The following VSIG1 variants were observed in gnomAD, a reference collection of about 807,000 sequenced individuals.
The protein encoded by VSIG1 is V-set and immunoglobulin domain containing 1.
A neutral mutation model predicts 20.1 loss-of-function variants in VSIG1; 11 were observed. The ratio of observed to expected loss-of-function variants is 0.55; its 90% CI spans 0.34 to 0.91. VSIG1 has a LOEUF of 0.91. VSIG1 is among the 40% of genes least tolerant of loss of function. VSIG1 has a pLI of 0.02. For missense variants in VSIG1, 283 were observed against 298.8 expected (o/e 0.95, Z 0.39); for synonymous variants, 126 against 116.7 (o/e 1.08, Z -0.52).
chrX:108,024,649 C>T, the VSIG1 span, among the ~76,000 whole-genome samples: 2 of 110,238 alleles, frequency 1.8e-5, no homozygotes, highest in Non-Finnish European at 3.8e-5. Flanking sequence ...GTTATGTTTT[C>T]ATCTTCATCA....
At chrX:108,035,662 G>A in the VSIG1 span, among the ~76,000 whole-genome samples, 2 of 111,065 alleles carry the variant, frequency 1.8e-5, no homozygotes, top group Non-Finnish European at 3.8e-5. Context: ...TCTCTTTCCT[G>A]TACTTGTATT....
intron 6 of VSIG1, 48 bp downstream of exon 6, chrX:108,076,266 G>T (rs1343394849): frequency 2.6e-6 from 3 of 1,173,582 alleles, no homozygotes; most frequent in African/African-American, 1.8e-5. Flanking sequence ...CATTTCTCAG[G>T]CATGTCTTTT....
chrX:108,032,771 C>A, the VSIG1 span, among the ~76,000 whole-genome samples: 1 of 111,475 alleles, frequency 9.0e-6, no homozygotes, highest in Admixed American at 9.5e-5. Context: ...GAAGGCTGAG[C>A]AAAGAGTGGT....
intron 1 of VSIG1, among the ~76,000 whole-genome samples, chrX:108,053,508 A>G (rs2030828519): frequency 8.9e-6 from 1 of 111,926 alleles, no homozygotes; most frequent in Admixed American, 9.5e-5. Context: ...TGAATAAGTC[A>G]AGATGGAATC....
At chrX:108,044,981 G>C (rs1418839450), upstream of VSIG1, 1 of 350,924 alleles carries the variant, frequency 2.8e-6, no homozygotes. Flanking sequence ...AAGTCTATAC[G>C]CAATAAGTAA....
the VSIG1 span, among the ~76,000 whole-genome samples, chrX:108,031,124 A>G: frequency 9.0e-6 from 1 of 111,215 alleles, no homozygotes; most frequent in Non-Finnish European, 1.9e-5. Context: ...TCCGCATCCC[A>G]GTTTTGTTGC....
At chrX:108,047,841 T>C (rs1277588417) in intron 1 of VSIG1, among the ~76,000 whole-genome samples, 1 of 46,582 alleles carries the variant, frequency 2.1e-5, no homozygotes, top group Non-Finnish European at 3.9e-5. Flanking sequence ...CACATATATA[T>C]ATACATATAT....
intron 1 of VSIG1, among the ~76,000 whole-genome samples, chrX:108,051,720 T>C (rs983717225): frequency 9.1e-6 from 1 of 110,121 alleles, no homozygotes; most frequent in African/African-American, 3.3e-5. Context: ...ATCATAAAAA[T>C]GCCTCAACAA....
chrX:108,072,739 C>T lies in VSIG1; in HGVS notation c.475C>T (p.Leu159Phe), dbSNP rs760008711. The T allele has an allele frequency of 6.6e-6, 8 of 1,208,822 alleles. No homozygotes were observed. In the African/African-American group the frequency reaches 7.0e-5, roughly 11 times the overall value. The change falls in exon 4 of 7, where the codon CTT (leucine) becomes TTT (phenylalanine). Residue 159 changes from leucine to phenylalanine, a missense_variant. By Grantham distance (22) the Leu-to-Phe change is conservative (BLOSUM62 0). Transcript: ENST00000217957. ...GRPETGHTIS[L>F]SCLSALGTPS... The stretch of plus-strand genomic sequence containing the variant: ...ACCAGAAACTGGCCACACTATTTCC[C>T]TTTCCTGTCTCTCTGCGCTTGGAAC...
At chrX:108,024,708 C>G in the VSIG1 span, among the ~76,000 whole-genome samples, 1 of 110,644 alleles carries the variant, frequency 9.0e-6, no homozygotes, top group South Asian at 3.8e-4. Context: ...TCTTCTTTGA[C>G]TCAAGTAGCT....
chrX:108,063,839 C>T (rs2031077142), intron 2 of VSIG1, among the ~76,000 whole-genome samples: 1 of 111,420 alleles, frequency 9.0e-6, no homozygotes, highest in Non-Finnish European at 1.9e-5. Context: ...TAACAAGCGC[C>T]CCTTAAGGGA....
intron 2 of VSIG1, among the ~76,000 whole-genome samples, chrX:108,059,011 C>T (rs1034345588): frequency 9.0e-6 from 1 of 111,645 alleles, no homozygotes; most frequent in African/African-American, 3.3e-5. Context: ...TATGTGAGCA[C>T]ATATGCCATG....
At chrX:108,072,617 C>T in intron 3 of VSIG1, 60 bp from the exon 4 acceptor site, 2 of 1,034,929 alleles carry the variant, frequency 1.9e-6, no homozygotes, top group East Asian at 6.1e-5. Flanking sequence ...GAAGTGACTG[C>T]AATTGTCACA....
chrX:108,037,771 C>T, the VSIG1 span, among the ~76,000 whole-genome samples: 14 of 112,473 alleles, frequency 1.2e-4, no homozygotes, highest in Non-Finnish European at 2.4e-4. Flanking sequence ...TCTATGCCCT[C>T]GGGATAAATA....
chrX:108,053,269 TA>T (rs1292685098), intron 1 of VSIG1, among the ~76,000 whole-genome samples: 2 of 112,301 alleles, frequency 1.8e-5, no homozygotes, highest in African/African-American at 6.5e-5. Flanking sequence ...ATGAGTTCTA[TA>T]AATCATATTT....
At chrX:108,040,885 C>T (rs2030469318), upstream of VSIG1, among the ~76,000 whole-genome samples, 1 of 110,230 alleles carries the variant, frequency 9.1e-6, no homozygotes, top group South Asian at 4.0e-4. Flanking sequence ...TGTGTTTGTG[C>T]ATGTGTACAT....
intron 2 of VSIG1, among the ~76,000 whole-genome samples, chrX:108,058,902 G>T (rs947742642): frequency 9.0e-6 from 1 of 111,099 alleles, no homozygotes; most frequent in Non-Finnish European, 1.9e-5. Flanking sequence ...TTAGCCCAAA[G>T]ATTCAAATTG....
chrX:108,022,495 A>C, the VSIG1 span, among the ~76,000 whole-genome samples: 1 of 111,867 alleles, frequency 8.9e-6, no homozygotes, highest in Non-Finnish European at 1.9e-5. Context: ...ATTTGTGATC[A>C]GCAGTACTTT....
At chrX:108,022,401 T>C in the VSIG1 span, among the ~76,000 whole-genome samples, 1 of 112,201 alleles carries the variant, frequency 8.9e-6, no homozygotes, top group East Asian at 2.8e-4. Context: ...TAATCTTATA[T>C]CCCGCAACTT....
Sources: allele counts gnomAD v4.1 joint callset (sites outside exome capture counted in the v4.1 genomes callset), GRCh38; gene constraint gnomAD v4.1.1; transcripts MANE v1.5; gene names NCBI Gene and HGNC (gene_info 2026-07-23, HGNC 2026-07-21).